MYO10: variants seen among roughly 807,000 people sequenced by gnomAD.
MYO10 encodes unconventional myosin-X.
MYO10 carries 133 observed loss-of-function variants against 257.3 expected under a neutral mutation model. That is an observed-to-expected ratio of 0.52 (90% CI 0.45 to 0.60). The LOEUF is 0.60. Among genes scored for constraint, MYO10 ranks in the 20% least tolerant of loss-of-function variants. The pLI, the probability that MYO10 is intolerant of heterozygous loss-of-function variation, is 0.00. For synonymous variants in MYO10, 1,104 were observed against 1,028.6 expected, an observed-to-expected ratio of 1.07 and a Z score of -1.40; for missense variants, 2,399 against 2,635.7, an observed-to-expected ratio of 0.91 and a Z score of 1.97.
At chr5:16,667,087 G>T (rs191534739) in intron 40 of MYO10, among the ~76,000 whole-genome samples, 1 of 152,220 alleles carries the variant, frequency 6.6e-6, no homozygotes, top group African/African-American at 2.4e-5. Context: ...AACCGAGGAC[G>T]CTGAAGTTAC....
intron 28 of MYO10, among the ~76,000 whole-genome samples, chr5:16,688,022 T>C (rs1344307768): frequency 6.6e-6 from 1 of 152,216 alleles, no homozygotes; most frequent in Non-Finnish European, 1.5e-5. Context: ...GGAGAAAAAG[T>C]CCTTGGCTAA....
chr5:16,871,246 T>G lies in MYO10; in HGVS notation c.120+6363A>C, dbSNP rs77736638. On this transcript the variant is annotated intron_variant, in intron 2 of 40. Transcript: ENST00000513610. ...CAAGCTGGGTCAAAATTAACCAATTTCCTTTAAAGTAACCAAGGACAGGCT... is the reference window on the plus strand; with the variant it reads ...CAAGCTGGGTCAAAATTAACCAATTGCCTTTAAAGTAACCAAGGACAGGCT... Among the ~76,000 whole-genome samples, 1,058 of 152,264 alleles carry G rather than the reference T, an allele frequency of 6.9e-3. 10 individuals carry two copies. The highest frequency in any genetic ancestry group is 0.024 in the African/African-American group (993 of 41,554).
At chr5:16,709,509 G>A (rs1003654357) in intron 21 of MYO10, among the ~76,000 whole-genome samples, 1 of 152,142 alleles carries the variant, frequency 6.6e-6, no homozygotes, top group African/African-American at 2.4e-5. Context: ...GGAATTTTGA[G>A]GGCTTCTAGG....
At chr5:16,864,540 A>C (rs1744190086) in intron 2 of MYO10, among the ~76,000 whole-genome samples, 2 of 152,190 alleles carry the variant, frequency 1.3e-5, no homozygotes, top group African/African-American at 4.8e-5. Context: ...TTATCCCTGA[A>C]GGAAGGCAGA....
intron 1 of MYO10, among the ~76,000 whole-genome samples, chr5:16,882,938 C>T (rs377386155): frequency 1.4e-5 from 2 of 138,654 alleles, no homozygotes; most frequent in African/African-American, 3.1e-5. Flanking sequence ...TTTTTTGAGA[C>T]GGAGTCTCAC....
intron 33 of MYO10, among the ~76,000 whole-genome samples, chr5:16,678,155 A>C (rs940909374): frequency 2.0e-5 from 3 of 152,238 alleles, no homozygotes; most frequent in Non-Finnish European, 4.4e-5. Flanking sequence ...TGGCTGATAC[A>C]TGATAGTTTT....
intron 2 of MYO10, among the ~76,000 whole-genome samples, chr5:16,836,575 C>A (rs1175569408): frequency 6.6e-6 from 1 of 152,186 alleles, no homozygotes; most frequent in Non-Finnish European, 1.5e-5. Context: ...ACAGCCCCCA[C>A]CTTGCGGATA....
In MYO10 at chr5:16,764,305, T is replaced by C. The variant is rs749761977; in HGVS notation, c.1271A>G (p.Asn424Ser). The C allele has an allele frequency of 3.8e-5, 62 of 1,613,898 alleles. No homozygotes were observed. The highest frequency in any genetic ancestry group is 1.6e-4 in the Middle Eastern group (1 of 6,084). ...GATGCCAATAGACTTGAAGTCCTCA[T>C]TGCCTTTGATCCTGCTGTTGATCTT... ...IKKINSRIKGNEDFKSIGILD... is the reference protein window; with the variant it reads ...IKKINSRIKGSEDFKSIGILD... Residue 424 changes from asparagine (N) to serine (S), a missense_variant, in exon 12 of 41, where the codon AAT (asparagine) becomes AGT (serine). Coordinates refer to ENST00000513610, the MANE Select transcript of MYO10 (RefSeq NM_012334.3).
chr5:16,767,291 T>C (rs538658202), intron 10 of MYO10, among the ~76,000 whole-genome samples: 364 of 150,994 alleles, frequency 2.4e-3, no homozygotes, highest in Non-Finnish European at 3.7e-3. Context: ...TTGCCTCAGC[T>C]TCCCAAGTAG....
intron 19 of MYO10, among the ~76,000 whole-genome samples, chr5:16,743,313 T>C (rs766332480): frequency 1.3e-5 from 2 of 152,076 alleles, no homozygotes; most frequent in African/African-American, 2.4e-5. Context: ...ATTAATCTTG[T>C]CCATATCATT....
In MYO10 at chr5:16,718,129, G is replaced by A. The variant is rs568680543; in HGVS notation, c.1930-6884C>T. Among the ~76,000 whole-genome samples, 1,004 of 152,346 alleles carry A rather than the reference G, an allele frequency of 6.6e-3. 11 individuals carry two copies. Among genetic ancestry groups the A allele is most frequent in the Non-Finnish European group, 9.3e-3 (631 of 68,030 alleles). ...CTGCGGAGGGTGTACTGGGTCCCCA[G>A]GCAGTGCCAGCCCACCGGCGCTGTG... On this transcript the variant is annotated intron_variant, in intron 19 of 40. Transcript: ENST00000513610.
chr5:16,696,680 A>G (rs897859637), intron 26 of MYO10, among the ~76,000 whole-genome samples: 1 of 133,600 alleles, frequency 7.5e-6, no homozygotes, highest in Non-Finnish European at 1.6e-5. Context: ...ACATGGTGAA[A>G]CCCCGTCTCT....
intron 3 of MYO10, among the ~76,000 whole-genome samples, chr5:16,801,030 A>G (rs565246951): frequency 2.3e-4 from 35 of 152,294 alleles, no homozygotes; most frequent in African/African-American, 7.0e-4. Context: ...CGTGCACCCT[A>G]GAAGCTGCCT....
At chr5:16,892,863 A>G (rs1189017717) in intron 1 of MYO10, among the ~76,000 whole-genome samples, 1 of 151,938 alleles carries the variant, frequency 6.6e-6, no homozygotes, top group Non-Finnish European at 1.5e-5. Context: ...AACCAACAAC[A>G]TTACCAGCCC....
chr5:16,743,678 C>A (rs1740089970), intron 19 of MYO10, among the ~76,000 whole-genome samples: 1 of 152,014 alleles, frequency 6.6e-6, no homozygotes, highest in African/African-American at 2.4e-5. Context: ...AATGCTTCAC[C>A]CTTTGACCAG....
intron 4 of MYO10, among the ~76,000 whole-genome samples, chr5:16,789,567 C>T (rs888923039): frequency 6.6e-6 from 1 of 152,148 alleles, no homozygotes; most frequent in African/African-American, 2.4e-5. Context: ...GCAGGCAGAT[C>T]ATTTGAGGTC....
In MYO10 at chr5:16,770,926, G is replaced by A. The variant is rs573345338; in HGVS notation, c.931-1723C>T. On this transcript the variant is annotated intron_variant, in intron 9 of 40. Coordinates refer to ENST00000513610, the MANE Select transcript of MYO10 (RefSeq NM_012334.3). Reference sequence around the variant, plus strand: ...AGGGATTACAGGCATGCGCCACCACGCCTGGCTAATTTTGTATTTTCAGTA... The same window carrying A: ...AGGGATTACAGGCATGCGCCACCACACCTGGCTAATTTTGTATTTTCAGTA... 2.6e-5 allele frequency among the ~76,000 whole-genome samples: 4 copies of A among 152,218 alleles called. No homozygotes were observed. The South Asian group carries it at 6.2e-4, about 24-fold the overall frequency.
At chr5:16,698,437 G>A (rs539268923) in intron 26 of MYO10, among the ~76,000 whole-genome samples, 1 of 152,024 alleles carries the variant, frequency 6.6e-6, no homozygotes, top group East Asian at 1.9e-4. Context: ...GCCCCTAAGT[G>A]TTAAGGTTCA....
chr5:16,847,842 C>T (rs1302766996), intron 2 of MYO10, among the ~76,000 whole-genome samples: 1 of 152,058 alleles, frequency 6.6e-6, no homozygotes, highest in Non-Finnish European at 1.5e-5. Flanking sequence ...TTTATAATTG[C>T]ACCTGTGAAT....
Sources: gnomAD v4.1 joint callset for allele counts (sites outside exome capture counted in the v4.1 genomes callset) on GRCh38, gnomAD v4.1.1 for gene constraint, MANE v1.5 for transcripts, NCBI Gene and HGNC (gene_info 2026-07-23, HGNC 2026-07-21) for gene names.